NPRL2: variants seen among roughly 807,000 people sequenced by gnomAD.
The protein encoded by NPRL2 is NPR2 like, GATOR1 complex subunit.
In NPRL2, 21 loss-of-function variants were observed where a neutral mutation model predicts 51.1. The observed-to-expected ratio is 0.41, with a 90% CI of 0.29 to 0.59. NPRL2 has a LOEUF of 0.59. Among genes scored for constraint, NPRL2 ranks in the 20% least tolerant of loss-of-function variants. The pLI is 0.29. For synonymous variants in NPRL2, 175 were observed against 187.8 expected, an observed-to-expected ratio of 0.93 and a Z score of 0.56; for missense variants, 376 against 483.4, an observed-to-expected ratio of 0.78 and a Z score of 2.08.
rs781699790 is a variant in NPRL2, at chr3:50,348,252, C to T, written c.815-11G>A. 24 of 1,613,806 alleles carry T rather than the reference C, an allele frequency of 1.5e-5. No homozygotes were observed. The highest frequency in any genetic ancestry group is 2.0e-5 in the Non-Finnish European group (24 of 1,179,992). On this transcript the variant is annotated splice_polypyrimidine_tract_variant and intron_variant, in intron 8 of 10. Coordinates refer to ENST00000232501, the MANE Select transcript of NPRL2 (RefSeq NM_006545.5). The surrounding 1 kb of genome is among the most constrained non-coding windows in gnomAD (Gnocchi z 5.8). ...TGGCCCTCTTGTGCCCTGTGGGTGCCAGGGATCAGCTCATCATGTGGCCCT... is the reference window on the plus strand; with the variant it reads ...TGGCCCTCTTGTGCCCTGTGGGTGCTAGGGATCAGCTCATCATGTGGCCCT...
In NPRL2 at chr3:50,349,398, T is replaced by G. The variant is rs138670017; in HGVS notation, c.436A>C (p.Thr146Pro). 1 of 1,613,234 alleles carries G rather than the reference T, an allele frequency of 6.2e-7. No individual in the cohort carries two copies. The highest frequency in any genetic ancestry group is 1.3e-5 in the African/African-American group (1 of 74,872). Residue 146 changes from threonine (T) to proline (P), a missense_variant, in exon 4 of 11, where the codon ACT becomes CCT. Physicochemically the swap from Thr to Pro is conservative, Grantham distance 38 (BLOSUM62 -1). Coordinates refer to ENST00000232501, the MANE Select transcript of NPRL2 (RefSeq NM_006545.5). The surrounding 1 kb of genome is among the most constrained non-coding windows in gnomAD (Gnocchi z 4.6). ...AGGCTGGCCATACCAATGGGCAGAG[T>G]GCACCGGCCTGAGGCATTTAGCTCC... ...LEELNASGRC[T>P]LPIDESNTIH...
At position 50,347,463 on chromosome 3, in the gene NPRL2, G is replaced by T; in HGVS notation, c.*143C>A. ...ATTCACTGCTGGGTCTCCCACGGCT[G>T]GCCCAGAAACAGCACTCAATAAAGG... On this transcript the variant is annotated 3_prime_UTR_variant, in exon 11 of 11. Transcript: ENST00000232501. 2 of 1,012,046 alleles carry T rather than the reference G, an allele frequency of 2.0e-6. No homozygotes were observed. Among genetic ancestry groups the T allele is most frequent in the Non-Finnish European group, 2.9e-6 (2 of 681,624 alleles). 62.7% of individuals were successfully genotyped at this position (1,012,046 alleles called of 1,614,324 possible). A position where few individuals can be genotyped will look rare whatever the true frequency, so the allele number is the denominator to read the frequency against.
rs200600954 is a variant in NPRL2, at chr3:50,347,722, T to G, written c.1075+37A>C. The G allele has an allele frequency of 2.9e-4, 468 of 1,613,846 alleles. No homozygotes were observed. In the African/African-American group the frequency reaches 5.4e-3, roughly 18 times the overall value. On this transcript the variant is annotated intron_variant, in intron 10 of 10. Transcript: ENST00000232501. ...GTCAGTGGCCTTGGCCTGGCCACCCTGCCCTGAACCCACCCTGACTGCCCG... is the reference window on the plus strand; with the variant it reads ...GTCAGTGGCCTTGGCCTGGCCACCCGGCCCTGAACCCACCCTGACTGCCCG...
At position 50,348,402 on chromosome 3, in the gene NPRL2, A is replaced by G. The variant is rs1362495147; in HGVS notation, c.729T>C (p.Asn243=). The G allele has an allele frequency of 6.2e-7, 1 of 1,613,890 alleles. No individual in the cohort carries two copies. ...GGACCTTGGGCGTTGGGCAGTATAC[A>G]TTGGAGTACTAGAGGGTAGCAGAAG... ...VTLVSILQYS[N]VYCPTPKVQD... The change falls in exon 8 of 11, where the codon AAT becomes AAC. Residue 243 remains asparagine, a synonymous_variant. Transcript: ENST00000232501. This position sits in a 1 kb window ranked among gnomAD's most constrained non-coding sequence, Gnocchi z 5.8.
Position 50,349,898 on chromosome 3 carries a change from C to A in NPRL2, c.170+33G>T. On this transcript the variant is annotated intron_variant, in intron 2 of 10. Coordinates refer to ENST00000232501, the MANE Select transcript of NPRL2 (RefSeq NM_006545.5). This position sits in a 1 kb window ranked among gnomAD's most constrained non-coding sequence, Gnocchi z 4.6. ...CTTCCTCCTCCTGGGACAACCCCTGCCACCCACCGCTCACCCCGAGCTAGG... is the reference window on the plus strand; with the variant it reads ...CTTCCTCCTCCTGGGACAACCCCTGACACCCACCGCTCACCCCGAGCTAGG... The A allele has an allele frequency of 6.2e-7, 1 of 1,613,594 alleles. No homozygotes were observed. Among genetic ancestry groups the A allele is most frequent in the South Asian group, 1.1e-5 (1 of 91,032 alleles).
chr3:50,350,604 G>C lies in NPRL2; in HGVS notation c.49C>G (p.Pro17Ala). 1 of 1,609,708 alleles carries C rather than the reference G, an allele frequency of 6.2e-7. No individual in the cohort carries two copies. The highest frequency in any genetic ancestry group is 8.5e-7 in the Non-Finnish European group (1 of 1,178,360). ...TAGGTGATCTTGGGTCCCAGCGTGG[G>C]GTGGAACTCGCTGAAGAATATGCAT... ...IECIFFSEFH[P>A]TLGPKITYQV... is the part of the protein sequence containing the mutation. The change falls in exon 1 of 11, where the codon CCC (proline) becomes GCC (alanine). Residue 17 changes from proline (P) to alanine (A), a missense_variant. Transcript: ENST00000232501. The surrounding 1 kb of genome is among the most constrained non-coding windows in gnomAD (Gnocchi z 5.7).
Position 50,348,836 on chromosome 3 carries a change from C to G in NPRL2, c.585+38G>C, listed in dbSNP as rs1703647657. The G allele has an allele frequency of 2.5e-6, 4 of 1,613,818 alleles. No individual in the cohort carries two copies. The African/African-American group carries it at 4.0e-5, about 16-fold the overall frequency. On this transcript the variant is annotated intron_variant, in intron 5 of 10. Coordinates refer to ENST00000232501, the MANE Select transcript of NPRL2 (RefSeq NM_006545.5). The surrounding 1 kb of genome is among the most constrained non-coding windows in gnomAD (Gnocchi z 5.8). ...AACAGGATGAGGCCAGGGCTGTGGC[C>G]AGCCCCAGGTGATGATACCCAGGGA...
chr3:50,349,615 C>T lies in NPRL2; in HGVS notation c.339+50G>A. The T allele has an allele frequency of 5.0e-6, 8 of 1,603,362 alleles. No homozygotes were observed. Among genetic ancestry groups the T allele is most frequent in the Non-Finnish European group, 6.8e-6 (8 of 1,172,172 alleles). On this transcript the variant is annotated intron_variant, in intron 3 of 10. Coordinates refer to ENST00000232501, the MANE Select transcript of NPRL2 (RefSeq NM_006545.5). This position sits in a 1 kb window ranked among gnomAD's most constrained non-coding sequence, Gnocchi z 4.6. ...GGGGGACTTTGGAGACATGGGAACA[C>T]CTTCCCCAACTCTGCCTGTCGGTAA...
In NPRL2 at chr3:50,349,492, T is replaced by C. The variant is rs1460387970; in HGVS notation, c.342A>G (p.Leu114=). The change falls in exon 4 of 11, where the codon CTA becomes CTG. Residue 114 remains leucine (L), a splice_region_variant and synonymous_variant. Coordinates refer to ENST00000232501, the MANE Select transcript of NPRL2 (RefSeq NM_006545.5). This position sits in a 1 kb window ranked among gnomAD's most constrained non-coding sequence, Gnocchi z 4.6. ...KLAGYLTTLE[L]ESSFVSMEES... ...CCTCCATGGACACGAAGCTGCTCTC[T>C]AGCTAGACAGAGCATGGAAAGCATG... 6.2e-7 allele frequency: 1 copy of C among 1,613,694 alleles called. No homozygotes were observed. The highest frequency in any genetic ancestry group is 1.3e-5 in the African/African-American group (1 of 74,884).
chr3:50,348,551 A>G lies in NPRL2; in HGVS notation c.696T>C (p.Val232=), dbSNP rs1384724277. ...IAIQNLLYYG[V]VTLVSILQYS... is the part of the protein sequence containing the mutation. ...CCTGGAGGATGGACACCAGTGTCAC[A>G]ACGCCGTAGTACCTGAGAGAGAGAG... is the stretch of plus-strand genomic sequence containing the variant. Residue 232 remains valine (V), a synonymous_variant, in exon 7 of 11, where the codon GTT becomes GTC. Transcript: ENST00000232501. This position sits in a 1 kb window ranked among gnomAD's most constrained non-coding sequence, Gnocchi z 5.8. 1 of 1,614,094 alleles carries G rather than the reference A, an allele frequency of 6.2e-7. No homozygotes were observed. The highest frequency in any genetic ancestry group is 2.2e-5 in the East Asian group (1 of 44,886).
In NPRL2 at chr3:50,347,451, T is replaced by C. The variant is rs1703589822; in HGVS notation, c.*155A>G. 3 of 811,068 alleles carry C rather than the reference T, an allele frequency of 3.7e-6. No individual in the cohort carries two copies. In the Admixed American group the frequency reaches 6.6e-5, roughly 18 times the overall value. 50.2% of individuals were successfully genotyped at this position (811,068 alleles called of 1,614,324 possible). A position where few individuals can be genotyped will look rare whatever the true frequency, so the allele number is the denominator to read the frequency against. The stretch of plus-strand genomic sequence containing the variant: ...CGTGGCTATTTCATTCACTGCTGGG[T>C]CTCCCACGGCTGGCCCAGAAACAGC... On this transcript the variant is annotated 3_prime_UTR_variant, in exon 11 of 11. Coordinates refer to ENST00000232501, the MANE Select transcript of NPRL2 (RefSeq NM_006545.5).
rs1006370439 is a variant in NPRL2, at chr3:50,347,366, C to T, written c.*240G>A. ...TTTTTTTTTTTTTTTTGTAATTAAC[C>T]GGCACTTTTATTTGTCGATTGTCGG... On this transcript the variant is annotated 3_prime_UTR_variant, in exon 11 of 11. Coordinates refer to ENST00000232501, the MANE Select transcript of NPRL2 (RefSeq NM_006545.5). 1.6e-4 allele frequency: 31 copies of T among 191,788 alleles called. No individual in the cohort carries two copies. In the Admixed American group the frequency reaches 2.2e-3, roughly 14 times the overall value. The allele number at this position is 191,788 out of a possible 1,614,324, so 11.9% of individuals were successfully genotyped here.
rs1703731891 is a variant in NPRL2 at position 50,350,773 on chromosome 3, A to G, written c.-121T>C. Reference sequence around the variant, plus strand: ...TGTCGCTGGGGCACGCAAGCTTGCCAATCCCTCTGCCCAATGGCGCCTGCG... The same window carrying G: ...TGTCGCTGGGGCACGCAAGCTTGCCGATCCCTCTGCCCAATGGCGCCTGCG... On this transcript the variant is annotated 5_prime_UTR_variant, in exon 1 of 11. Transcript: ENST00000232501. The surrounding 1 kb of genome is among the most constrained non-coding windows in gnomAD (Gnocchi z 5.7). 6.8e-7 allele frequency: 1 copy of G among 1,480,184 alleles called. No individual in the cohort carries two copies. The highest frequency in any genetic ancestry group is 1.3e-5 in the South Asian group (1 of 74,434). The allele number at this position is 1,480,184 out of a possible 1,614,324, so 91.7% of individuals were successfully genotyped here.
Position 50,349,511 on chromosome 3 carries a change from A to G in NPRL2, c.340-17T>C, listed in dbSNP as rs1334404606. ...GCTCTCTAGCTAGACAGAGCATGGA[A>G]AGCATGGTGGGCACATCCCAGGACC... On this transcript the variant is annotated splice_polypyrimidine_tract_variant and intron_variant, in intron 3 of 10. Transcript: ENST00000232501. The surrounding 1 kb of genome is among the most constrained non-coding windows in gnomAD (Gnocchi z 4.6). The G allele has an allele frequency of 6.2e-7, 1 of 1,613,572 alleles. No individual in the cohort carries two copies. The highest frequency in any genetic ancestry group is 8.5e-7 in the Non-Finnish European group (1 of 1,179,752).
At position 50,349,194 on chromosome 3, in the gene NPRL2, G is replaced by C; in HGVS notation, c.449-184C>G. On this transcript the variant is annotated intron_variant, in intron 4 of 10. Transcript: ENST00000232501. This position sits in a 1 kb window ranked among gnomAD's most constrained non-coding sequence, Gnocchi z 4.6. Reference sequence around the variant, plus strand: ...AGGAATTGCCCAAGGGGCAGAGCTGGAGAGCTCTGCTTTCCCCCTACCCCC... The same window carrying C: ...AGGAATTGCCCAAGGGGCAGAGCTGCAGAGCTCTGCTTTCCCCCTACCCCC... 5.8e-6 allele frequency: 5 copies of C among 859,190 alleles called. No homozygotes were observed. The South Asian group carries it at 6.8e-5, about 12-fold the overall frequency. 53.2% of individuals were successfully genotyped at this position (859,190 alleles called of 1,614,324 possible). A position where few individuals can be genotyped will look rare whatever the true frequency, so the allele number is the denominator to read the frequency against.
rs886770781 is a variant in NPRL2, at chr3:50,349,215, C to T, written c.448+171G>A. On this transcript the variant is annotated intron_variant, in intron 4 of 10. Transcript: ENST00000232501. The surrounding 1 kb of genome is among the most constrained non-coding windows in gnomAD (Gnocchi z 4.6). Reference sequence around the variant, plus strand: ...GCTGGAGAGCTCTGCTTTCCCCCTACCCCCAGTCCCAGCTCCATCATGCAT... The same window carrying T: ...GCTGGAGAGCTCTGCTTTCCCCCTATCCCCAGTCCCAGCTCCATCATGCAT... 2.8e-5 allele frequency: 23 copies of T among 829,328 alleles called. No individual in the cohort carries two copies. Among genetic ancestry groups the T allele is most frequent in the Admixed American group, 4.9e-5 (2 of 40,974 alleles). 51.4% of individuals were successfully genotyped at this position (829,328 alleles called of 1,614,324 possible).
At position 50,347,796 on chromosome 3, in the gene NPRL2, T is replaced by A; in HGVS notation, c.1038A>T (p.Thr346=). 6.2e-7 allele frequency: 1 copy of A among 1,613,988 alleles called. No individual in the cohort carries two copies. The highest frequency in any genetic ancestry group is 1.1e-5 in the South Asian group (1 of 91,086). ...EEQSHPARLY[T]GCHSYDEICC... Reference sequence around the variant, plus strand: ...AGATCTCGTCATAGCTGTGGCAGCCTGTATAAAGCCGGGCAGGGTGGCTCT... The same window carrying A: ...AGATCTCGTCATAGCTGTGGCAGCCAGTATAAAGCCGGGCAGGGTGGCTCT... Residue 346 remains threonine (T), a synonymous_variant, in exon 10 of 11, where the codon ACA becomes ACT. Coordinates refer to ENST00000232501, the MANE Select transcript of NPRL2 (RefSeq NM_006545.5).
Position 50,349,567 on chromosome 3 carries a change from C to T in NPRL2, c.340-73G>A, listed in dbSNP as rs1703680898. 6.2e-7 allele frequency: 1 copy of T among 1,610,800 alleles called. No homozygotes were observed. The highest frequency in any genetic ancestry group is 8.5e-7 in the Non-Finnish European group (1 of 1,177,438). On this transcript the variant is annotated intron_variant, in intron 3 of 10. Coordinates refer to ENST00000232501, the MANE Select transcript of NPRL2 (RefSeq NM_006545.5). This position sits in a 1 kb window ranked among gnomAD's most constrained non-coding sequence, Gnocchi z 4.6. ...CTGGTTGGCTGCCCTGAGTCCTGAG[C>T]TGGTTTGCAGGGTCCCAGGTTTGGG...
chr3:50,348,023 C>T lies in NPRL2; in HGVS notation c.932+101G>A. Reference sequence around the variant, plus strand: ...TAGCCCATCATCTCCAGGAAGCCTGCTTGGATTGGCAGTGCCCCATGATCC... The same window carrying T: ...TAGCCCATCATCTCCAGGAAGCCTGTTTGGATTGGCAGTGCCCCATGATCC... On this transcript the variant is annotated intron_variant, in intron 9 of 10. Coordinates refer to ENST00000232501, the MANE Select transcript of NPRL2 (RefSeq NM_006545.5). The surrounding 1 kb of genome is among the most constrained non-coding windows in gnomAD (Gnocchi z 5.8). The T allele has an allele frequency of 6.3e-7, 1 of 1,588,774 alleles. No homozygotes were observed. The highest frequency in any genetic ancestry group is 8.6e-7 in the Non-Finnish European group (1 of 1,160,742).
Sources: allele counts gnomAD v4.1 joint callset, GRCh38; gene constraint gnomAD v4.1.1; non-coding constraint Gnocchi (gnomAD v3.1); transcripts MANE v1.5; gene names NCBI Gene and HGNC (gene_info 2026-07-23, HGNC 2026-07-21).